The following NFAT5 variants were observed in gnomAD, a reference collection of about 807,000 sequenced individuals.
The protein encoded by NFAT5 is nuclear factor of activated T cells 5.
Under a neutral mutation model 166.5 loss-of-function variants are expected in NFAT5, and 31 were observed. That is an observed-to-expected ratio of 0.19 (90% CI 0.14 to 0.25). The LOEUF (loss-of-function observed/expected upper bound fraction) is 0.25. Among genes scored for constraint, NFAT5 ranks in the 10% least tolerant of loss-of-function variants. The pLI is 1.00. For synonymous variants in NFAT5, 612 were observed against 639.7 expected, an observed-to-expected ratio of 0.96 and a Z score of 0.65; for missense variants, 1,449 against 1,821.8, an observed-to-expected ratio of 0.80 and a Z score of 3.72.
intron 2 of NFAT5, among the ~76,000 whole-genome samples, chr16:69,585,183 G>A (rs1488883728): frequency 1.3e-5 from 2 of 151,326 alleles, no homozygotes; most frequent in Non-Finnish European, 2.9e-5. Flanking sequence ...ATTTTTTTTT[G>A]TATTTTTAGT....
At chr16:69,620,505 A>C (rs1402269919) in intron 2 of NFAT5, among the ~76,000 whole-genome samples, 1 of 152,204 alleles carries the variant, frequency 6.6e-6, no homozygotes, top group Non-Finnish European at 1.5e-5. Flanking sequence ...AGGCCAAGGC[A>C]GGAGGCTTGC....
At chr16:69,598,239 A>T (rs2032917597) in intron 2 of NFAT5, among the ~76,000 whole-genome samples, 1 of 151,980 alleles carries the variant, frequency 6.6e-6, no homozygotes, top group African/African-American at 2.4e-5. Flanking sequence ...TTAGCCTGGC[A>T]TGGTGGTGTG....
intron 9 of NFAT5, among the ~76,000 whole-genome samples, chr16:69,671,282 C>T (rs1321711161): frequency 1.3e-5 from 2 of 152,186 alleles, no homozygotes; most frequent in Non-Finnish European, 2.9e-5. Flanking sequence ...CTACTGTCCC[C>T]TTGGATTTGA....
chr16:69,679,264 C>A (rs532073429), intron 10 of NFAT5, among the ~76,000 whole-genome samples: 192 of 152,106 alleles, frequency 1.3e-3, no homozygotes, highest in Non-Finnish European at 2.0e-3. Context: ...CTGAATTTTG[C>A]AACATTATTT....
chr16:69,619,454 C>G (rs1188490681), intron 2 of NFAT5, among the ~76,000 whole-genome samples: 1 of 152,172 alleles, frequency 6.6e-6, no homozygotes, highest in Non-Finnish European at 1.5e-5. Flanking sequence ...CTGTCCTAAA[C>G]TTTATCATCT....
intron 2 of NFAT5, 142 bp from the exon 3 acceptor site, chr16:69,626,261 T>G (rs945093296): frequency 1.2e-5 from 8 of 675,346 alleles, no homozygotes; most frequent in African/African-American, 3.8e-5. Context: ...TGCTAATAGC[T>G]CTTTACATTA....
intron 2 of NFAT5, among the ~76,000 whole-genome samples, chr16:69,624,051 G>A (rs1337589506): frequency 5.9e-5 from 9 of 151,710 alleles, no homozygotes; most frequent in East Asian, 1.9e-4. Context: ...GTGACCGGCC[G>A]TCTACTTAAG....
At chr16:69,630,950 GAA>G (rs1453552121) in intron 3 of NFAT5, among the ~76,000 whole-genome samples, 2 of 152,106 alleles carry the variant, frequency 1.3e-5, no homozygotes, top group African/African-American at 2.4e-5. Flanking sequence ...ATTTAAAATA[GAA>G]AGTCATGGAC....
intron 2 of NFAT5, among the ~76,000 whole-genome samples, chr16:69,625,713 T>C (rs2034424532): frequency 6.6e-6 from 1 of 152,130 alleles, no homozygotes; most frequent in African/African-American, 2.4e-5. Flanking sequence ...TCCACAGTAG[T>C]ATATGCCATT....
Position 69,704,347 on chromosome 16 carries a change from A to G in NFAT5, c.*7996A>G, listed in dbSNP as rs1012641984. 1.0e-4 allele frequency: 16 copies of G among 152,586 alleles called. No individual in the cohort carries two copies. Among genetic ancestry groups the G allele is most frequent in the African/African-American group, 3.1e-4 (13 of 41,440 alleles). The allele number at this position is 152,586 out of a possible 1,614,324, so 9.5% of individuals were successfully genotyped here. A position where few individuals can be genotyped will look rare whatever the true frequency, so the allele number is the denominator to read the frequency against. ...TTTAGCTACCATTCTGCCATTTTTA[A>G]TTTTTATTTAATTTTATTTGCTTGA... On this transcript the variant is annotated 3_prime_UTR_variant, in exon 15 of 15. Transcript: ENST00000349945.
intron 4 of NFAT5, chr16:69,648,857 G>A: frequency 1.1e-6 from 1 of 918,594 alleles, no homozygotes; most frequent in African/African-American, 1.8e-5. Context: ...ATATTATAGA[G>A]AATATTCTTA....
chr16:69,639,424 GA>G (rs1277438412), intron 3 of NFAT5, among the ~76,000 whole-genome samples: 3 of 152,046 alleles, frequency 2.0e-5, no homozygotes, highest in Admixed American at 6.6e-5. Context: ...TATTTAAGGA[GA>G]ATTCAGATTA....
At chr16:69,582,573 A>G (rs11859488) in intron 2 of NFAT5, among the ~76,000 whole-genome samples, 6,500 of 150,262 alleles carry the variant, frequency 0.043, 485 homozygotes, top group African/African-American at 0.15. Flanking sequence ...ATTGTTTTGC[A>G]TGTGCATATC....
rs2032296509 is a variant in NFAT5, at chr16:69,589,072, A to G, written c.127+20524A>G. On this transcript the variant is annotated intron_variant, in intron 2 of 14. Transcript: ENST00000349945. ...TGCAATGGCACAATCTTGGCTCACCACAACCTCCACGTCCTGGGTACAAGT... is the reference window on the plus strand; with the variant it reads ...TGCAATGGCACAATCTTGGCTCACCGCAACCTCCACGTCCTGGGTACAAGT... Among the ~76,000 whole-genome samples the G allele has an allele frequency of 2.2e-5, 3 of 134,078 alleles. 1 individual carries two copies. In the South Asian group the frequency reaches 6.9e-4, roughly 31 times the overall value. 88.0% of individuals were successfully genotyped at this position (134,078 alleles called of 152,430 possible). A position where few individuals can be genotyped will look rare whatever the true frequency, so the allele number is the denominator to read the frequency against.
intron 2 of NFAT5, among the ~76,000 whole-genome samples, chr16:69,624,545 C>A (rs1196742795): frequency 2.0e-5 from 3 of 152,104 alleles, no homozygotes; most frequent in African/African-American, 7.2e-5. Context: ...TAAGTTTATT[C>A]TTTACTGTGA....
chr16:69,627,053 A>G (rs1191212061), intron 3 of NFAT5, among the ~76,000 whole-genome samples: 2 of 151,916 alleles, frequency 1.3e-5, no homozygotes, highest in Non-Finnish European at 2.9e-5. Flanking sequence ...TATAATATTT[A>G]TATAAAGACA....
chr16:69,566,504 C>G lies in NFAT5; in HGVS notation c.73+130C>G. On this transcript the variant is annotated intron_variant, in intron 1 of 14. Transcript: ENST00000349945. The surrounding 1 kb of genome is among the most constrained non-coding windows in gnomAD (Gnocchi z 5.7). The stretch of plus-strand genomic sequence containing the variant: ...GCCGCGACCCCCATGGCTTCTTTGG[C>G]CGGAGCGGGCAGAGGCCGAAGGGAT... 1 of 796,222 alleles carries G rather than the reference C, an allele frequency of 1.3e-6. No homozygotes were observed. Among genetic ancestry groups the G allele is most frequent in the Non-Finnish European group, 2.1e-6 (1 of 477,536 alleles). 49.3% of individuals were successfully genotyped at this position (796,222 alleles called of 1,614,324 possible).
intron 2 of NFAT5, among the ~76,000 whole-genome samples, chr16:69,619,445 T>C (rs1222563508): frequency 6.6e-6 from 1 of 152,228 alleles, no homozygotes; most frequent in Non-Finnish European, 1.5e-5. Flanking sequence ...AGGAAGCCGC[T>C]GTCCTAAACT....
At chr16:69,581,908 T>C (rs2031722765) in intron 2 of NFAT5, among the ~76,000 whole-genome samples, 1 of 152,250 alleles carries the variant, frequency 6.6e-6, no homozygotes, top group African/African-American at 2.4e-5. Context: ...GCTTAAAATC[T>C]ATTTTCTTAG....
Sources: gnomAD v4.1 joint callset for allele counts (sites outside exome capture counted in the v4.1 genomes callset) on GRCh38, gnomAD v4.1.1 for gene constraint, Gnocchi (gnomAD v3.1) non-coding constraint, MANE v1.5 for transcripts, NCBI Gene and HGNC (gene_info 2026-07-23, HGNC 2026-07-21) for gene names.